The following ASCC3 variants were observed in gnomAD, a reference collection of about 807,000 sequenced individuals.
ASCC3 encodes the protein activating signal cointegrator 1 complex subunit 3.
ASCC3 carries 158 observed loss-of-function variants against 256.3 expected under a neutral mutation model. The ratio of observed to expected loss-of-function variants is 0.62; its 90% CI spans 0.54 to 0.70. The LOEUF is 0.70. Ranked by LOEUF, ASCC3 falls within the 30% of genes least tolerant of loss-of-function variation. The probability of loss-of-function intolerance (pLI) is 0.00; values close to 1 mark genes in which losing one functional copy is unlikely to be tolerated. For synonymous variants in ASCC3, 948 were observed against 883.4 expected, an observed-to-expected ratio of 1.07 and a Z score of -1.30; for missense variants, 2,259 against 2,626.0, an observed-to-expected ratio of 0.86 and a Z score of 3.05.
intron 2 of ASCC3, among the ~76,000 whole-genome samples, chr6:100,867,441 T>C (rs1395141870): frequency 6.6e-6 from 1 of 152,192 alleles, no homozygotes; most frequent in African/African-American, 2.4e-5. Context: ...TTACCAATTA[T>C]AATGACAAAT....
At chr6:100,786,225 T>C (rs1473128113) in intron 8 of ASCC3, among the ~76,000 whole-genome samples, 1 of 152,196 alleles carries the variant, frequency 6.6e-6, no homozygotes, top group Non-Finnish European at 1.5e-5. Context: ...GATGTCATTC[T>C]GAAACATCTT....
intron 4 of ASCC3, among the ~76,000 whole-genome samples, chr6:100,847,758 G>T (rs953690319): frequency 1.3e-5 from 2 of 152,158 alleles, no homozygotes; most frequent in African/African-American, 4.8e-5. Context: ...CCAGTAAGTG[G>T]AAAGGGAAGA....
intron 10 of ASCC3, among the ~76,000 whole-genome samples, chr6:100,753,531 T>A (rs1781041890): frequency 6.6e-6 from 1 of 151,768 alleles, no homozygotes; most frequent in Non-Finnish European, 1.5e-5. Flanking sequence ...AGTCTTGCTA[T>A]TAATATGTTG....
At chr6:100,543,189 TAA>T (rs1775546668) in intron 36 of ASCC3, among the ~76,000 whole-genome samples, 1 of 151,594 alleles carries the variant, frequency 6.6e-6, no homozygotes. Flanking sequence ...CTGTATACTT[TAA>T]GTCATCTCTA....
At chr6:100,854,730 C>T (rs942192107) in intron 3 of ASCC3, among the ~76,000 whole-genome samples, 2 of 152,088 alleles carry the variant, frequency 1.3e-5, no homozygotes, top group African/African-American at 4.8e-5. Context: ...AATGTAACTT[C>T]CCAAGCAACC....
At chr6:100,725,477 C>A in intron 11 of ASCC3, 62 bp downstream of exon 11, 2 of 1,540,188 alleles carry the variant, frequency 1.3e-6, no homozygotes, top group Admixed American at 3.4e-5. Flanking sequence ...GAAAATGCTA[C>A]ATTTTAAGTT....
intron 37 of ASCC3, chr6:100,531,058 A>G: frequency 6.6e-7 from 1 of 1,517,778 alleles, no homozygotes; most frequent in Non-Finnish European, 9.1e-7. Flanking sequence ...TGTAGCACTA[A>G]AGGAATCTTC....
chr6:100,510,220 G>GATAGATATGCTGAA, intron 40 of ASCC3, 113 bp from the exon 41 acceptor site: 1 of 1,112,164 alleles, frequency 9.0e-7, no homozygotes, highest in Non-Finnish European at 1.3e-6. Flanking sequence ...ACATAGTTCA[G>GATAGATATGCTGAA]CATATCTATC....
At chr6:100,688,374 G>A (rs931641460) in intron 13 of ASCC3, among the ~76,000 whole-genome samples, 2 of 152,024 alleles carry the variant, frequency 1.3e-5, no homozygotes, top group Admixed American at 6.5e-5. Flanking sequence ...ATAAATATTT[G>A]AGATAGATCT....
intron 36 of ASCC3, among the ~76,000 whole-genome samples, chr6:100,570,999 C>T (rs1447606848): frequency 6.6e-6 from 1 of 152,126 alleles, no homozygotes. Context: ...TATAAAAAAG[C>T]TAGAATGGTC....
intron 4 of ASCC3, among the ~76,000 whole-genome samples, chr6:100,843,711 G>T (rs1772257189): frequency 6.6e-6 from 1 of 151,678 alleles, no homozygotes; most frequent in South Asian, 2.1e-4. Flanking sequence ...TAATCCAAAA[G>T]ATTTTCTTTA....
Position 100,625,218 on chromosome 6 carries a change from G to A in ASCC3, c.4759C>T (p.Gln1587Ter). 1 of 1,612,798 alleles carries A rather than the reference G, an allele frequency of 6.2e-7. No individual in the cohort carries two copies. The highest frequency in any genetic ancestry group is 8.5e-7 in the Non-Finnish European group (1 of 1,179,160). ...AFLATEEDPKQWLNMDEREME... is the reference protein window; with the variant it reads ...AFLATEEDPK ...TCTCTTTCATCCATGTTTAACCACT[G>A]CTTTGGATCTTCTTCAGTAGCCAGG... The change falls in exon 30 of 42, where the codon CAG becomes TAG. Residue 1587 changes from glutamine (Q) to a stop codon, truncating the protein, a stop_gained. Coordinates refer to ENST00000369162, the MANE Select transcript of ASCC3 (RefSeq NM_006828.4). LOFTEE classifies it high-confidence loss of function.
chr6:100,601,428 T>C (rs1772603766), intron 34 of ASCC3, among the ~76,000 whole-genome samples: 1 of 151,990 alleles, frequency 6.6e-6, no homozygotes, highest in African/African-American at 2.4e-5. Flanking sequence ...TTAACACTTA[T>C]AAATGCCCCA....
At chr6:100,822,045 A>C (rs944359888) in intron 4 of ASCC3, among the ~76,000 whole-genome samples, 2 of 152,070 alleles carry the variant, frequency 1.3e-5, no homozygotes, top group Non-Finnish European at 2.9e-5. Context: ...TGGTAGTTAA[A>C]GGTCAAAGAT....
intron 11 of ASCC3, 60 bp downstream of exon 11, chr6:100,725,479 T>C: frequency 1.9e-6 from 3 of 1,555,188 alleles, no homozygotes; most frequent in South Asian, 1.1e-5. Flanking sequence ...AAATGCTACA[T>C]TTTAAGTTGA....
chr6:100,584,948 C>A (rs532942574), intron 36 of ASCC3, among the ~76,000 whole-genome samples: 3 of 152,144 alleles, frequency 2.0e-5, no homozygotes, highest in Non-Finnish European at 4.4e-5. Flanking sequence ...CCGAGAGATC[C>A]GCTGTTAGTC....
intron 13 of ASCC3, among the ~76,000 whole-genome samples, chr6:100,692,705 A>T (rs1401743913): frequency 6.6e-6 from 1 of 152,030 alleles, no homozygotes; most frequent in Non-Finnish European, 1.5e-5. Flanking sequence ...TGGTGGGAAA[A>T]AACTTTGAAA....
At chr6:100,880,444 T>C (rs1003021246) in intron 1 of ASCC3, among the ~76,000 whole-genome samples, 10 of 152,244 alleles carry the variant, frequency 6.6e-5, no homozygotes, top group Admixed American at 6.5e-4. Flanking sequence ...ATTATGCTTC[T>C]TTTAAACCAA....
chr6:100,521,925 T>G (rs1774332034), intron 37 of ASCC3, among the ~76,000 whole-genome samples: 1 of 152,144 alleles, frequency 6.6e-6, no homozygotes, highest in Non-Finnish European at 1.5e-5. Context: ...AGGTATATGC[T>G]CCTCCCCAGA....
Sources: allele counts gnomAD v4.1 joint callset (sites outside exome capture counted in the v4.1 genomes callset), GRCh38; gene constraint gnomAD v4.1.1; transcripts MANE v1.5; gene names NCBI Gene and HGNC (gene_info 2026-07-23, HGNC 2026-07-21).